Variants in PADI1 observed in about 807,000 individuals in gnomAD.
PADI1 encodes protein-arginine deiminase type-1.
Under a neutral mutation model 74.8 loss-of-function variants are expected in PADI1, and 65 were observed. The ratio of observed to expected loss-of-function variants is 0.87; its 90% confidence interval spans 0.71 to 1.07. The LOEUF is 1.07. Ranked by LOEUF, PADI1 falls within the 50% of genes least tolerant of loss-of-function variation. The probability of loss-of-function intolerance (pLI) is 0.00; values close to 1 mark genes in which losing one functional copy is unlikely to be tolerated. For synonymous variants in PADI1, 371 were observed against 336.2 expected, an observed-to-expected ratio of 1.10 and a Z score of -1.13; for missense variants, 943 against 854.0, an observed-to-expected ratio of 1.10 and a Z score of -1.30.
chr1:17,228,294 G>A (rs1053757672), intron 6 of PADI1, among the ~76,000 whole-genome samples: 11 of 152,218 alleles, frequency 7.2e-5, no homozygotes, highest in African/African-American at 2.2e-4. Flanking sequence ...TACTTTTTAC[G>A]AATTAATAAT....
At position 17,222,455 on chromosome 1, in the gene PADI1, A is replaced by G. The variant is rs1372309907; in HGVS notation, c.258A>G (p.Glu86=). ...TATCTGTGGGCACAGCCAGTAAGGA[A>G]TTAAAGGACTTCAAGGTAAGAGGCC... The part of the protein sequence containing the change: ...MVVSVGTASK[E]LKDFKVRVSY... Residue 86 remains glutamate (E), a synonymous_variant, in exon 2 of 16, where the codon GAA becomes GAG. Coordinates refer to ENST00000375471, the MANE Select transcript of PADI1 (RefSeq NM_013358.3). 11 of 1,613,620 alleles carry G rather than the reference A, an allele frequency of 6.8e-6. No homozygotes were observed. Among genetic ancestry groups the G allele is most frequent in the Non-Finnish European group, 7.6e-6 (9 of 1,179,650 alleles).
chr1:17,222,528 A>G, intron 2 of PADI1, 58 bp downstream of exon 2: 5 of 1,346,350 alleles, frequency 3.7e-6, no homozygotes, highest in Non-Finnish European at 5.3e-6. Flanking sequence ...ATCCAAGGTA[A>G]GAGCCCCACA....
At chr1:17,240,508 A>G in intron 14 of PADI1, 127 bp from the exon 15 acceptor site, 1 of 1,016,810 alleles carries the variant, frequency 9.8e-7, no homozygotes, top group Non-Finnish European at 1.5e-6. Context: ...CTATTGCACA[A>G]AGCTGTTGTG....
At chr1:17,225,013 G>T (rs923946972) in intron 4 of PADI1, among the ~76,000 whole-genome samples, 1 of 152,162 alleles carries the variant, frequency 6.6e-6, no homozygotes, top group Non-Finnish European at 1.5e-5. Flanking sequence ...GGATGGCTGC[G>T]TGGGTTGTTC....
In PADI1 at chr1:17,244,109, C is replaced by T. The variant is rs1438160106; in HGVS notation, c.1858C>T (p.Leu620=). Residue 620 remains leucine, a synonymous_variant, in exon 16 of 16, where the codon CTG becomes TTG. Coordinates refer to ENST00000375471, the MANE Select transcript of PADI1 (RefSeq NM_013358.3). ...CCLEEKVQSL[L]EPLGLHCIFI... The stretch of plus-strand genomic sequence containing the variant: ...CCTGGAGGAGAAGGTGCAGTCCCTG[C>T]TGGAGCCTCTGGGCCTGCACTGCAT... 1 of 1,614,198 alleles carries T rather than the reference C, an allele frequency of 6.2e-7. No homozygotes were observed. Among genetic ancestry groups the T allele is most frequent in the Non-Finnish European group, 8.5e-7 (1 of 1,179,986 alleles).
intron 12 of PADI1, among the ~76,000 whole-genome samples, chr1:17,238,023 A>C (rs1033655376): frequency 6.6e-6 from 1 of 152,160 alleles, no homozygotes; most frequent in African/African-American, 2.4e-5. Context: ...AGGAGGAGAC[A>C]TCTGAATTGG....
chr1:17,234,939 A>G (rs2100507053), intron 11 of PADI1, among the ~76,000 whole-genome samples: 1 of 152,200 alleles, frequency 6.6e-6, no homozygotes, highest in African/African-American at 2.4e-5. Context: ...CAACATGGTG[A>G]AACCTCGTCT....
intron 13 of PADI1, 81 bp downstream of exon 13, chr1:17,238,790 ATC>A: frequency 1.6e-6 from 1 of 633,122 alleles, no homozygotes; most frequent in Non-Finnish European, 2.5e-6. Context: ...GCACCTGCAG[ATC>A]TCTCAGCTGG....
At chr1:17,215,099 C>T (rs375974497) in intron 1 of PADI1, among the ~76,000 whole-genome samples, 12 of 152,264 alleles carry the variant, frequency 7.9e-5, no homozygotes, top group African/African-American at 2.9e-4. Context: ...GTGGGAGTGG[C>T]CCTGGGCCTC....
At position 17,237,469 on chromosome 1, in the gene PADI1, T is replaced by C. The variant is rs780348322; in HGVS notation, c.1458+11T>C. 3.9e-5 allele frequency: 62 copies of C among 1,599,138 alleles called. No homozygotes were observed. The highest frequency in any genetic ancestry group is 5.1e-5 in the Non-Finnish European group (60 of 1,172,196). ...ACCTCTGACCAAAAGGTGCGTCCCC[T>C]CCTTCCCTGCCTGAGCCACCTCTGC... On this transcript the variant is annotated intron_variant, in intron 12 of 15. Transcript: ENST00000375471.
At chr1:17,231,267 A>C (rs2072483847) in intron 10 of PADI1, among the ~76,000 whole-genome samples, 1 of 152,152 alleles carries the variant, frequency 6.6e-6, no homozygotes, top group Admixed American at 6.5e-5. Flanking sequence ...TTTATGGATG[A>C]GGAAATCAAG....
rs1262310225 is a variant in PADI1, at chr1:17,245,605, A to C, written c.*1362A>C. ...GCCAACTACTGTCACTGTTTTAACC[A>C]ACAAAAGCTAGCCTGGAACTGCTAT... is the stretch of plus-strand genomic sequence containing the variant. On this transcript the variant is annotated 3_prime_UTR_variant, in exon 16 of 16. Coordinates refer to ENST00000375471, the MANE Select transcript of PADI1 (RefSeq NM_013358.3). This position sits in a 1 kb window ranked among gnomAD's most constrained non-coding sequence, Gnocchi z 4.1. 6.6e-6 allele frequency: 1 copy of C among 152,194 alleles called. No homozygotes were observed. Among genetic ancestry groups the C allele is most frequent in the Non-Finnish European group, 1.5e-5 (1 of 68,036 alleles). 9.4% of individuals were successfully genotyped at this position (152,194 alleles called of 1,614,324 possible). A position where few individuals can be genotyped will look rare whatever the true frequency, so the allele number is the denominator to read the frequency against.
chr1:17,207,963 T>A (rs562357160), intron 1 of PADI1, among the ~76,000 whole-genome samples: 1 of 152,318 alleles, frequency 6.6e-6, no homozygotes, highest in Non-Finnish European at 1.5e-5. Context: ...ATTGTCAACC[T>A]GGGAAGGTTT....
chr1:17,243,800 T>G (rs1242110247), intron 15 of PADI1, among the ~76,000 whole-genome samples: 1 of 152,218 alleles, frequency 6.6e-6, no homozygotes, highest in African/African-American at 2.4e-5. Flanking sequence ...GTCCTGGCTG[T>G]TATTCAACCT....
At chr1:17,222,179 G>A (rs2072172493) in intron 1 of PADI1, 111 bp from the exon 2 acceptor site, 3 of 718,940 alleles carry the variant, frequency 4.2e-6, no homozygotes, top group South Asian at 3.5e-5. Context: ...CCTGACTGTT[G>A]AGGGGTGCCA....
chr1:17,212,881 T>C (rs1001587682), intron 1 of PADI1, among the ~76,000 whole-genome samples: 1 of 152,182 alleles, frequency 6.6e-6, no homozygotes, highest in South Asian at 2.1e-4. Flanking sequence ...TGTGGGTGTG[T>C]GGTGGGGCCA....
chr1:17,240,555 A>G, intron 14 of PADI1, 80 bp from the exon 15 acceptor site: 1 of 1,518,398 alleles, frequency 6.6e-7, no homozygotes, highest in Non-Finnish European at 9.0e-7. Context: ...AGGGCTCCAC[A>G]CGGGCCCAGC....
chr1:17,235,308 A>AAGGAAGGAAGGAAGGC (rs1304493986), intron 11 of PADI1, among the ~76,000 whole-genome samples: 1 of 151,356 alleles, frequency 6.6e-6, no homozygotes, highest in Non-Finnish European at 1.5e-5. Context: ...GGAAGGAAGG[A>AAGGAAGGAAGGAAGGC]GGCAAAGTAG....
intron 1 of PADI1, among the ~76,000 whole-genome samples, chr1:17,221,490 T>TCAGAG (rs147410297): frequency 8.2e-6 from 1 of 121,702 alleles, no homozygotes; most frequent in East Asian, 2.4e-4. Flanking sequence ...AAAAAAAGAA[T>TCAGAG]CAGAGCAGGG....
Sources: allele counts gnomAD v4.1 joint callset (sites outside exome capture counted in the v4.1 genomes callset), GRCh38; gene constraint gnomAD v4.1.1; non-coding constraint Gnocchi (gnomAD v3.1); transcripts MANE v1.5; gene names NCBI Gene and HGNC (gene_info 2026-07-23, HGNC 2026-07-21).